The following PPM1E variants were observed in gnomAD, a reference collection of about 807,000 sequenced individuals.
The protein encoded by PPM1E is protein phosphatase 1E.
PPM1E carries 20 observed loss-of-function variants against 65.9 expected under a neutral mutation model. That is an observed-to-expected ratio of 0.30 (90% CI 0.21 to 0.44). PPM1E has a LOEUF of 0.44. Ranked by LOEUF, PPM1E falls within the 20% of genes least tolerant of loss-of-function variation. PPM1E has a pLI of 1.00. For synonymous variants in PPM1E, 352 were observed against 374.9 expected (o/e 0.94, Z 0.70); for missense variants, 713 against 953.1 (o/e 0.75, Z 3.32).
chr17:58,895,447 C>T (rs183536460), intron 1 of PPM1E, among the ~76,000 whole-genome samples: 1 of 152,144 alleles, frequency 6.6e-6, no homozygotes, highest in East Asian at 1.9e-4. Flanking sequence ...ACTAAAGTTA[C>T]CTGAGTTGTG....
intron 1 of PPM1E, among the ~76,000 whole-genome samples, chr17:58,771,989 G>A (rs939357567): frequency 1.4e-4 from 22 of 152,094 alleles, no homozygotes; most frequent in African/African-American, 4.8e-4. Flanking sequence ...GATATACTGA[G>A]CACCTTACAT....
intron 1 of PPM1E, among the ~76,000 whole-genome samples, chr17:58,873,111 C>T (rs1410206894): frequency 1.3e-5 from 2 of 152,096 alleles, no homozygotes; most frequent in African/African-American, 4.8e-5. Flanking sequence ...CCATCATAGG[C>T]CTAAGCTCAC....
At chr17:58,904,182 A>T (rs577426459) in intron 1 of PPM1E, among the ~76,000 whole-genome samples, 7 of 152,038 alleles carry the variant, frequency 4.6e-5, no homozygotes, top group African/African-American at 1.7e-4. Flanking sequence ...TAGAAGTTGA[A>T]GAAAAGAAGT....
intron 1 of PPM1E, among the ~76,000 whole-genome samples, chr17:58,833,916 A>T (rs2050629043): frequency 6.6e-6 from 1 of 152,108 alleles, no homozygotes; most frequent in Admixed American, 6.6e-5. Flanking sequence ...TTGACTTTAT[A>T]ATAATAGCCA....
chr17:58,933,898 C>T (rs1165532289), intron 1 of PPM1E, among the ~76,000 whole-genome samples: 1 of 151,716 alleles, frequency 6.6e-6, no homozygotes, highest in Non-Finnish European at 1.5e-5. Context: ...AGTTCAAGAC[C>T]AGCCTGGCCA....
chr17:58,847,445 G>A (rs1272873991), intron 1 of PPM1E, among the ~76,000 whole-genome samples: 8 of 152,112 alleles, frequency 5.3e-5, no homozygotes, highest in Non-Finnish European at 1.2e-4. Flanking sequence ...ATTCATTTTT[G>A]TATAAGGTGT....
At chr17:58,853,554 T>G (rs1010550696) in intron 1 of PPM1E, among the ~76,000 whole-genome samples, 4 of 152,128 alleles carry the variant, frequency 2.6e-5, no homozygotes, top group African/African-American at 9.7e-5. Flanking sequence ...GTGGCTGGGC[T>G]TGGTGGCTCA....
chr17:58,904,875 C>T (rs537248283), intron 1 of PPM1E, among the ~76,000 whole-genome samples: 12 of 140,352 alleles, frequency 8.5e-5, no homozygotes, highest in Admixed American at 1.4e-4. Flanking sequence ...AAAAAAAAAT[C>T]AGCCGGATGT....
At chr17:58,977,600 A>G (rs1015393023) in intron 6 of PPM1E, among the ~76,000 whole-genome samples, 3 of 152,202 alleles carry the variant, frequency 2.0e-5, no homozygotes, top group Non-Finnish European at 4.4e-5. Flanking sequence ...AGGTAATTAT[A>G]TTAATTATTT....
chr17:58,807,836 A>G (rs564041455), intron 1 of PPM1E, among the ~76,000 whole-genome samples: 57 of 152,344 alleles, frequency 3.7e-4, no homozygotes, highest in Middle Eastern at 3.4e-3. Context: ...TATAACCTCA[A>G]TGAAATAAGC....
intron 1 of PPM1E, among the ~76,000 whole-genome samples, chr17:58,805,972 A>AC (rs1488408353): frequency 1.6e-5 from 2 of 121,990 alleles, no homozygotes; most frequent in African/African-American, 6.5e-5. Context: ...AAAAAAAAAA[A>AC]ACAAAAAAAA....
chr17:58,783,494 G>A (rs2050068744), intron 1 of PPM1E, among the ~76,000 whole-genome samples: 1 of 152,194 alleles, frequency 6.6e-6, no homozygotes, highest in Admixed American at 6.5e-5. Context: ...GACTTGGCAT[G>A]TATCCAGATT....
At chr17:58,875,736 T>C (rs2051120223) in intron 1 of PPM1E, among the ~76,000 whole-genome samples, 1 of 152,154 alleles carries the variant, frequency 6.6e-6, no homozygotes, top group Non-Finnish European at 1.5e-5. Context: ...TAGTAACTAT[T>C]TGAAAGGTAC....
chr17:58,888,123 A>G (rs1255710033), intron 1 of PPM1E, among the ~76,000 whole-genome samples: 1 of 152,184 alleles, frequency 6.6e-6, no homozygotes, highest in Non-Finnish European at 1.5e-5. Context: ...TTAGACACTT[A>G]AGATTACCTG....
rs73331025 is a variant in PPM1E at position 58,809,191 on chromosome 17, C to T, written c.464+52730C>T. On this transcript the variant is annotated intron_variant, in intron 1 of 6. Coordinates refer to ENST00000308249, the MANE Select transcript of PPM1E (RefSeq NM_014906.5). ...TACTGCAGCCTTGAATTTCTGGGCT[C>T]AAGCCTGCTTCAGCTTCCTGAGTAG... Among the ~76,000 whole-genome samples, 1,374 of 152,148 alleles carry T rather than the reference C, an allele frequency of 9.0e-3. 24 individuals are homozygous for T. The highest frequency in any genetic ancestry group is 0.031 in the African/African-American group (1,270 of 41,502).
At chr17:58,775,032 T>C (rs1436163007) in intron 1 of PPM1E, among the ~76,000 whole-genome samples, 2 of 152,150 alleles carry the variant, frequency 1.3e-5, no homozygotes, top group African/African-American at 4.8e-5. Context: ...TTTGTAGTTT[T>C]AGTAGAGATG....
intron 1 of PPM1E, among the ~76,000 whole-genome samples, chr17:58,891,832 C>CTTTTTTTTTTTTT (rs5821250): frequency 4.7e-5 from 4 of 85,494 alleles, no homozygotes; most frequent in Admixed American, 1.5e-4. Context: ...TTTTCTTTTT[C>CTTTTTTTTTTTTT]TTTTTTTTTT....
chr17:58,932,564 A>G (rs1285851410), intron 1 of PPM1E, among the ~76,000 whole-genome samples: 2 of 152,224 alleles, frequency 1.3e-5, no homozygotes, highest in South Asian at 4.2e-4. Context: ...ACAAACAAAC[A>G]TGGGATCTGG....
rs537295495 is a variant in PPM1E, at chr17:58,933,194, T to C, written c.465-22455T>C. On this transcript the variant is annotated intron_variant, in intron 1 of 6. Transcript: ENST00000308249. ...GTATCCCCATTAAGTGACACATGAC[T>C]GTAATTGTGCAAGAAAAGGAGTTCT... 3.9e-5 allele frequency among the ~76,000 whole-genome samples: 6 copies of C among 152,338 alleles called. No individual in the cohort carries two copies. In the South Asian group the frequency reaches 1.2e-3, roughly 32 times the overall value.
Sources: gnomAD v4.1 joint callset for allele counts (sites outside exome capture counted in the v4.1 genomes callset) on GRCh38, gnomAD v4.1.1 for gene constraint, MANE v1.5 for transcripts, NCBI Gene and HGNC (gene_info 2026-07-23, HGNC 2026-07-21) for gene names.